Variants in DOP1B observed in about 807,000 individuals in gnomAD.
The protein encoded by DOP1B is protein DOP1B.
Under a neutral mutation model 233.5 loss-of-function variants are expected in DOP1B, and 174 were observed. The observed-to-expected ratio is 0.75, with a 90% CI of 0.66 to 0.85. The LOEUF (loss-of-function observed/expected upper bound fraction) is 0.85. Among genes scored for constraint, DOP1B ranks in the 40% least tolerant of loss-of-function variants. The probability of loss-of-function intolerance (pLI) is 0.00; values close to 1 mark genes in which losing one functional copy is unlikely to be tolerated. For synonymous variants in DOP1B, 1,190 were observed against 1,185.6 expected (o/e 1.00, Z -0.08); for missense variants, 2,652 against 2,846.6 (o/e 0.93, Z 1.56).
At chr21:36,227,609 A>T in intron 12 of DOP1B, 77 bp from the exon 13 acceptor site, 1 of 1,251,300 alleles carries the variant, frequency 8.0e-7, no homozygotes, top group Non-Finnish European at 1.1e-6. Context: ...AAATTGAATT[A>T]GATGCCATTT....
intron 2 of DOP1B, among the ~76,000 whole-genome samples, chr21:36,185,461 C>T (rs2066153516): frequency 6.6e-6 from 1 of 152,168 alleles, no homozygotes; most frequent in Admixed American, 6.5e-5. Flanking sequence ...TATATGCTTG[C>T]CACCATTGTT....
chr21:36,223,276 A>T lies in DOP1B; in HGVS notation c.1296A>T (p.Val432=), dbSNP rs2123522992. ...ATGCCTCTGAGATTGTCAAAACGGTAAATTTGCTGATAACTTCTCTAAGCA... is the reference window on the plus strand; with the variant it reads ...ATGCCTCTGAGATTGTCAAAACGGTTAATTTGCTGATAACTTCTCTAAGCA... ...NRNASEIVKT[V]NLLITSLSTD... Residue 432 remains valine, a synonymous_variant, in exon 11 of 37, where the codon GTA becomes GTT. Transcript: ENST00000691173. The T allele has an allele frequency of 1.2e-6, 2 of 1,609,528 alleles. No individual in the cohort carries two copies. Among genetic ancestry groups the T allele is most frequent in the Non-Finnish European group, 8.5e-7 (1 of 1,178,956 alleles).
At chr21:36,169,728 T>G in intron 2 of DOP1B, 1 of 1,017,762 alleles carries the variant, frequency 9.8e-7, no homozygotes. Context: ...TTCCTCATGC[T>G]GCTGAAGTCT....
At position 36,263,612 on chromosome 21, in the gene DOP1B, G is replaced by GT; in HGVS notation, c.5384dup (p.Leu1795PhefsTer17). Reference sequence around the variant, plus strand: ...TGGGAGTATTGAAAGAGTCTGTACAGTTGAATCTAGCCCCACCTGGGTATT... The same window carrying GT: ...TGGGAGTATTGAAAGAGTCTGTACAGTTTGAATCTAGCCCCACCTGGGTATT... On this transcript the variant is annotated frameshift_variant, in exon 25 of 37. Transcript: ENST00000691173. LOFTEE classifies it high-confidence loss of function. 6.2e-7 allele frequency: 1 copy of GT among 1,614,198 alleles called. No homozygotes were observed.
intron 2 of DOP1B, among the ~76,000 whole-genome samples, chr21:36,193,159 T>C (rs190730274): frequency 1.8e-4 from 27 of 152,280 alleles, no homozygotes; most frequent in South Asian, 6.2e-4. Context: ...CCTCATCCAT[T>C]GCGAGGTTCA....
chr21:36,261,107 G>A, intron 24 of DOP1B: 1 of 1,001,932 alleles, frequency 1.0e-6, no homozygotes, highest in Non-Finnish European at 1.2e-6. Flanking sequence ...GCTCACACCT[G>A]CAATCCCAGC....
chr21:36,252,349 T>A (rs1161468341), intron 22 of DOP1B, among the ~76,000 whole-genome samples: 2 of 151,442 alleles, frequency 1.3e-5, no homozygotes, highest in African/African-American at 4.9e-5. Flanking sequence ...TCCTAGTTAC[T>A]TGGGAGGCTG....
chr21:36,176,087 G>GGTGTGT (rs1032491278), intron 2 of DOP1B, among the ~76,000 whole-genome samples: 1,647 of 96,592 alleles, frequency 0.017, 37 homozygotes, highest in African/African-American at 0.055. Context: ...TCGACTTTGG[G>GGTGTGT]GTGTGTGTGC....
chr21:36,256,146 T>C (rs2067094270), intron 23 of DOP1B, among the ~76,000 whole-genome samples: 1 of 152,186 alleles, frequency 6.6e-6, no homozygotes, highest in Non-Finnish European at 1.5e-5. Flanking sequence ...AATCATACAG[T>C]TAGCAAAAAT....
chr21:36,284,906 CTAAT>C (rs1161496015), intron 32 of DOP1B, among the ~76,000 whole-genome samples: 3 of 149,548 alleles, frequency 2.0e-5, no homozygotes, highest in East Asian at 1.9e-4. Flanking sequence ...ATTGTAATAA[CTAAT>C]AGGTAATGAT....
chr21:36,238,633 C>T lies in DOP1B; in HGVS notation c.2808C>T (p.Ser936=), dbSNP rs373989624. The T allele has an allele frequency of 8.0e-5, 129 of 1,614,086 alleles. No homozygotes were observed. The highest frequency in any genetic ancestry group is 7.7e-5 in the South Asian group (7 of 91,088). ...GTRLEALFRF[S]VIWHLTREIQ... is the part of the protein sequence containing the mutation. ...GGCTGGAAGCTCTGTTTAGATTTTC[C>T]GTGATCTGGCATCTGACAAGAGAGA... The change falls in exon 17 of 37, where the codon TCC becomes TCT. Residue 936 remains serine, a synonymous_variant. Coordinates refer to ENST00000691173, the MANE Select transcript of DOP1B (RefSeq NM_001320714.2).
At position 36,246,461 on chromosome 21, in the gene DOP1B, C is replaced by A; in HGVS notation, c.4481C>A (p.Thr1494Asn). The A allele has an allele frequency of 1.2e-6, 2 of 1,614,016 alleles. No homozygotes were observed. Among genetic ancestry groups the A allele is most frequent in the Non-Finnish European group, 1.7e-6 (2 of 1,179,990 alleles). The part of the protein sequence containing the change: ...ALQYVQPHPL[T>N]SQGLLVSAVV... ...CAGTACGTGCAGCCCCACCCCCTCA[C>A]CTCCCAGGGTCTTCTGGTCTCTGCG... Residue 1494 changes from threonine to asparagine, a missense_variant, in exon 19 of 37, where the codon ACC (threonine) becomes AAC (asparagine). Physicochemically the swap from Thr to Asn is moderately conservative, Grantham distance 65. Transcript: ENST00000691173. The surrounding 1 kb of genome is among the most constrained non-coding windows in gnomAD (Gnocchi z 5.1).
Position 36,199,250 on chromosome 21 carries a change from A to G in DOP1B, c.319A>G (p.Ser107Gly). The stretch of plus-strand genomic sequence containing the variant: ...GCTGGCCAAGGACTTGTTTCTGTAC[A>G]GGTGCGATTGCTTCTCTGCTGTGTT... ...KWLAKDLFLYSCGLFPLLAHA... is the reference protein window; with the variant it reads ...KWLAKDLFLYGCGLFPLLAHA... Residue 107 changes from serine (S) to glycine (G), a missense_variant and splice_region_variant, in exon 3 of 37, where the codon AGC (serine) becomes GGC (glycine). Ser to Gly is a moderately conservative substitution (Grantham distance 56, BLOSUM62 0). This residue lies in a region of DOP1B where 2,617 missense variants were observed against 2,794.3 expected (regional missense o/e 0.94). Transcript: ENST00000691173. 1.2e-6 allele frequency: 2 copies of G among 1,611,726 alleles called. No individual in the cohort carries two copies. Among genetic ancestry groups the G allele is most frequent in the Non-Finnish European group, 1.7e-6 (2 of 1,178,930 alleles).
intron 1 of DOP1B, among the ~76,000 whole-genome samples, chr21:36,160,725 G>A (rs758650881): frequency 3.3e-5 from 5 of 152,150 alleles, no homozygotes; most frequent in Admixed American, 6.5e-5. Flanking sequence ...TGATCCACCC[G>A]CCTCGGCCTC....
chr21:36,273,175 G>C (rs1244917034), intron 27 of DOP1B, among the ~76,000 whole-genome samples: 1 of 151,880 alleles, frequency 6.6e-6, no homozygotes, highest in Non-Finnish European at 1.5e-5. Flanking sequence ...GGGAGGCTGA[G>C]GTGGGCAGAT....
At chr21:36,176,164 G>C (rs1012406005) in intron 2 of DOP1B, among the ~76,000 whole-genome samples, 1 of 146,056 alleles carries the variant, frequency 6.8e-6, no homozygotes, top group Non-Finnish European at 1.5e-5. Context: ...TCAGGAAAGC[G>C]TTCCAGGTGA....
intron 23 of DOP1B, among the ~76,000 whole-genome samples, chr21:36,257,912 G>T (rs1047214127): frequency 6.8e-6 from 1 of 148,126 alleles, no homozygotes; most frequent in African/African-American, 2.6e-5. Flanking sequence ...TAGGTAGGTA[G>T]ATAGATGTAG....
intron 24 of DOP1B, chr21:36,261,483 G>A: frequency 1.6e-5 from 16 of 985,534 alleles, no homozygotes; most frequent in Non-Finnish European, 1.9e-5. Flanking sequence ...TATGTATTAG[G>A]TGTCTCAGCT....
chr21:36,270,019 A>G lies in DOP1B; in HGVS notation c.5494A>G (p.Thr1832Ala), dbSNP rs2067269320. Reference protein sequence around the residue: ...KKDQKDLQEITQKILEAVGNI... With the variant: ...KKDQKDLQEIAQKILEAVGNI... ...TCCTCCTGATAATTCTCAGGAAATC[A>G]CTCAGAAAATCCTAGAAGCTGTGGG... The change falls in exon 27 of 37, where the codon ACT becomes GCT. Residue 1832 changes from threonine to alanine, a missense_variant. Physicochemically the swap from Thr to Ala is moderately conservative, Grantham distance 58 (BLOSUM62 0). Coordinates refer to ENST00000691173, the MANE Select transcript of DOP1B (RefSeq NM_001320714.2). 6.2e-7 allele frequency: 1 copy of G among 1,613,654 alleles called. No individual in the cohort carries two copies. The highest frequency in any genetic ancestry group is 8.5e-7 in the Non-Finnish European group (1 of 1,179,940).
Sources: allele counts gnomAD v4.1 joint callset (sites outside exome capture counted in the v4.1 genomes callset), GRCh38; gene constraint gnomAD v4.1.1; regional missense constraint gnomAD v4.1.1; non-coding constraint Gnocchi (gnomAD v3.1); transcripts MANE v1.5; gene names NCBI Gene and HGNC (gene_info 2026-07-23, HGNC 2026-07-21).